SLC25A23: variants seen among roughly 807,000 people sequenced by gnomAD.
The protein encoded by SLC25A23 is mitochondrial adenyl nucleotide antiporter SLC25A23.
In SLC25A23, 32 loss-of-function variants were observed where a neutral mutation model predicts 53.9. The ratio of observed to expected loss-of-function variants is 0.59; its 90% CI spans 0.45 to 0.80. The LOEUF (loss-of-function observed/expected upper bound fraction) is 0.80, where lower values mean the gene tolerates loss of function less well. SLC25A23 is among the 30% of genes least tolerant of loss of function. The pLI, the probability that SLC25A23 is intolerant of heterozygous loss-of-function variation, is 0.00. For missense variants in SLC25A23, 575 were observed against 651.4 expected (o/e 0.88, Z 1.28); for synonymous variants, 275 against 264.5 (o/e 1.04, Z -0.38).
At position 6,455,433 on chromosome 19, in the gene SLC25A23, C is replaced by T. The variant is rs142136086; in HGVS notation, c.484-716G>A. Among the ~76,000 whole-genome samples the T allele has an allele frequency of 3.0e-3, 452 of 152,198 alleles. 2 individuals are homozygous for T. Among genetic ancestry groups the T allele is most frequent in the African/African-American group, 0.01 (421 of 41,536 alleles). On this transcript the variant is annotated intron_variant, in intron 4 of 9. Transcript: ENST00000301454. ...CCAGCAGATCCTTCTCAGGGACCCA[C>T]GAAATCTCACAGGGATCTCCTCCAC... is the stretch of plus-strand genomic sequence containing the variant.
rs375019552 is a variant in SLC25A23 at position 6,454,857 on chromosome 19, A to G, written c.484-140T>C. Reference sequence around the variant, plus strand: ...GACTCTTGCTTGGAGACCCCAGAAGAGTCCTGTTGGGTCCTACCAGGTGTC... The same window carrying G: ...GACTCTTGCTTGGAGACCCCAGAAGGGTCCTGTTGGGTCCTACCAGGTGTC... On this transcript the variant is annotated intron_variant, in intron 4 of 9. Transcript: ENST00000301454. This position sits in a 1 kb window ranked among gnomAD's most constrained non-coding sequence, Gnocchi z 4.3. The G allele has an allele frequency of 1.0e-6, 1 of 997,990 alleles. No homozygotes were observed. Among genetic ancestry groups the G allele is most frequent in the Non-Finnish European group, 1.4e-6 (1 of 690,212 alleles). The allele number at this position is 997,990 out of a possible 1,614,324, so 61.8% of individuals were successfully genotyped here. A position where few individuals can be genotyped will look rare whatever the true frequency, so the allele number is the denominator to read the frequency against.
At chr19:6,456,681 CT>C in intron 3 of SLC25A23, 150 bp from the exon 4 acceptor site, 1 of 607,992 alleles carries the variant, frequency 1.6e-6, no homozygotes, top group Non-Finnish European at 2.9e-6. Context: ...CCATCATTTT[CT>C]TTTTTCTTTT....
downstream of SLC25A23, chr19:6,436,496 GGA>G (rs112207144): frequency 8.8e-3 from 3,553 of 404,780 alleles, no homozygotes; most frequent in South Asian, 0.013. Context: ...TGAGAAAGGG[GGA>G]GAGAGAGAGA....
chr19:6,452,709 C>A (rs2092610244), intron 7 of SLC25A23: 1 of 480,132 alleles, frequency 2.1e-6, no homozygotes, highest in African/African-American at 2.0e-5. Flanking sequence ...CTCCTGATAT[C>A]TTTCTTTTAT....
Position 6,441,804 on chromosome 19 carries a change from A to C in SLC25A23, c.*171T>G, listed in dbSNP as rs1415782037. 1 of 584,994 alleles carries C rather than the reference A, an allele frequency of 1.7e-6. No individual in the cohort carries two copies. Among genetic ancestry groups the C allele is most frequent in the African/African-American group, 2.5e-5 (1 of 39,986 alleles). The allele number at this position is 584,994 out of a possible 1,614,324, so 36.2% of individuals were successfully genotyped here. On this transcript the variant is annotated 3_prime_UTR_variant, in exon 10 of 10. Coordinates refer to ENST00000301454, the MANE Select transcript of SLC25A23 (RefSeq NM_024103.3). ...GGGGCATAGGAGTCTAGGATCCAGG[A>C]TCTGGATGCTGGGATCCCATGACCC...
chr19:6,447,637 C>T (rs1482131758), intron 8 of SLC25A23, among the ~76,000 whole-genome samples: 1 of 151,720 alleles, frequency 6.6e-6, no homozygotes, highest in Non-Finnish European at 1.5e-5. Context: ...CTTATGCCAC[C>T]GGGATTACAG....
At chr19:6,436,399 T>A (rs1165809860), downstream of SLC25A23, 1 of 456,060 alleles carries the variant, frequency 2.2e-6, no homozygotes, top group Non-Finnish European at 4.4e-6. Flanking sequence ...CTCAGTTACA[T>A]GGCTATTGGC....
At chr19:6,455,856 C>T in intron 4 of SLC25A23, 1 of 403,260 alleles carries the variant, frequency 2.5e-6, no homozygotes, top group South Asian at 2.1e-5. Context: ...GTAGCTGGGA[C>T]TACAGGTGCC....
chr19:6,444,349 AC>A, intron 8 of SLC25A23, 48 bp from the exon 9 acceptor site: 1 of 1,541,868 alleles, frequency 6.5e-7, no homozygotes, highest in Non-Finnish European at 8.8e-7. Context: ...TGACCCTAGG[AC>A]CCTGGCTTCA....
At chr19:6,447,123 A>G (rs2092516487) in intron 8 of SLC25A23, among the ~76,000 whole-genome samples, 1 of 152,168 alleles carries the variant, frequency 6.6e-6, no homozygotes, top group Non-Finnish European at 1.5e-5. Flanking sequence ...CTGTGAGACA[A>G]TAACTTTCTG....
downstream of SLC25A23, among the ~76,000 whole-genome samples, chr19:6,439,395 TCTCTCACACACACACACA>T (rs1365145051): frequency 4.6e-5 from 6 of 129,506 alleles, no homozygotes; most frequent in Non-Finnish European, 6.4e-5. Flanking sequence ...TCTCTCTCTC[TCTCTCACACACACACACA>T]CACACACACA....
chr19:6,447,764 G>A (rs7253018), intron 8 of SLC25A23, among the ~76,000 whole-genome samples: 2,254 of 152,188 alleles, frequency 0.015, 54 homozygotes, highest in African/African-American at 0.052. Context: ...TCCACCTCCC[G>A]GGTTCAAGAA....
At chr19:6,439,394 C>CTG (rs1248760879), downstream of SLC25A23, among the ~76,000 whole-genome samples, 6 of 127,690 alleles carry the variant, frequency 4.7e-5, no homozygotes, top group Non-Finnish European at 9.5e-5. Flanking sequence ...ATCTCTCTCT[C>CTG]TCTCTCACAC....
At position 6,440,764 on chromosome 19, in the gene SLC25A23, G is replaced by A. The variant is rs941900960; in HGVS notation, c.*1211C>T. 3.6e-4 allele frequency: 55 copies of A among 152,136 alleles called. 1 individual carries two copies. The highest frequency in any genetic ancestry group is 3.6e-3 in the Admixed American group (55 of 15,248). 9.4% of individuals were successfully genotyped at this position (152,136 alleles called of 1,614,324 possible). A position where few individuals can be genotyped will look rare whatever the true frequency, so the allele number is the denominator to read the frequency against. On this transcript the variant is annotated 3_prime_UTR_variant, in exon 10 of 10. Transcript: ENST00000301454. ...GGCTTCCTTCCCCACAGACTCCCTC[G>A]ACCATGCAATTTCATGTCATGAGAA...
In SLC25A23 at chr19:6,442,067, C is replaced by T. The variant is rs552023387; in HGVS notation, c.1315G>A (p.Ala439Thr). Residue 439 changes from alanine to threonine, a missense_variant, in exon 10 of 10, where the codon GCC becomes ACC. By Grantham distance (58) the Ala-to-Thr change is moderately conservative. Transcript: ENST00000301454. ...EGMRGLYRGI[A>T]PNFMKVIPAV... is the part of the protein sequence containing the mutation. ...GGAATAACCTTCATGAAGTTGGGGG[C>T]GATCCCCCGGTAGAGGCCCCGCATG... 7.1e-5 allele frequency: 115 copies of T among 1,613,112 alleles called. No homozygotes were observed. The East Asian group carries it at 2.1e-3, about 29-fold the overall frequency.
intron 1 of SLC25A23, among the ~76,000 whole-genome samples, chr19:6,458,972 G>T (rs114504741): frequency 0.02 from 3,016 of 152,322 alleles, 92 homozygotes; most frequent in African/African-American, 0.068. Flanking sequence ...GCGGGTGACC[G>T]CAGACAGGAT....
At chr19:6,451,561 C>T (rs1487222692) in intron 8 of SLC25A23, among the ~76,000 whole-genome samples, 1 of 152,124 alleles carries the variant, frequency 6.6e-6, no homozygotes, top group African/African-American at 2.4e-5. Context: ...TGGGGACATC[C>T]AGGACCATGC....
In SLC25A23 at chr19:6,454,624, C is replaced by T. The variant is rs200876868; in HGVS notation, c.577G>A (p.Ala193Thr). 27 of 1,613,854 alleles carry T rather than the reference C, an allele frequency of 1.7e-5. No homozygotes were observed. Among genetic ancestry groups the T allele is most frequent in the Middle Eastern group, 1.6e-4 (1 of 6,084 alleles). Residue 193 changes from alanine to threonine, a missense_variant, in exon 5 of 10, where the codon GCA becomes ACA. Physicochemically the swap from Ala to Thr is moderately conservative, Grantham distance 58 (BLOSUM62 0). Coordinates refer to ENST00000301454, the MANE Select transcript of SLC25A23 (RefSeq NM_024103.3). The surrounding 1 kb of genome is among the most constrained non-coding windows in gnomAD (Gnocchi z 4.3). ...GMWWKQLVAGAVAGAVSRTGT... is the reference protein window; with the variant it reads ...GMWWKQLVAGTVAGAVSRTGT... The stretch of plus-strand genomic sequence containing the variant: ...GTCCGTGACACGGCACCTGCCACTG[C>T]GCCGGCCACCAGCTGTTTCCACCAC...
chr19:6,437,338 G>A (rs1336460839), downstream of SLC25A23, among the ~76,000 whole-genome samples: 2 of 152,002 alleles, frequency 1.3e-5, no homozygotes, highest in Non-Finnish European at 2.9e-5. Flanking sequence ...CAATAAATTT[G>A]AATTACTCAT....
Sources: allele counts gnomAD v4.1 joint callset (sites outside exome capture counted in the v4.1 genomes callset), GRCh38; gene constraint gnomAD v4.1.1; non-coding constraint Gnocchi (gnomAD v3.1); transcripts MANE v1.5; gene names NCBI Gene and HGNC (gene_info 2026-07-23, HGNC 2026-07-21).